The following CSMD1 variants were observed in gnomAD, a reference collection of about 807,000 sequenced individuals.
CSMD1 encodes CUB and Sushi multiple domains 1.
Under a neutral mutation model 417.5 loss-of-function variants are expected in CSMD1, and 213 were observed. That is an observed-to-expected ratio of 0.51 (90% CI 0.46 to 0.57). The LOEUF is 0.57. CSMD1 is among the 20% of genes least tolerant of loss of function. The pLI is 0.00. For missense variants in CSMD1, 6,923 were observed against 4,529.7 expected, an observed-to-expected ratio of 1.53 and a Z score of -15.17; for synonymous variants, 2,862 against 1,736.8, an observed-to-expected ratio of 1.65 and a Z score of -16.11.
At chr8:4,418,686 A>C (rs1485949597) in intron 3 of CSMD1, among the ~76,000 whole-genome samples, 1 of 152,218 alleles carries the variant, frequency 6.6e-6, no homozygotes, top group Non-Finnish European at 1.5e-5. Flanking sequence ...TTTAGAGTTT[A>C]TATGAAGTGG....
intron 5 of CSMD1, among the ~76,000 whole-genome samples, chr8:3,851,764 G>A (rs73491912): frequency 6.6e-6 from 1 of 152,308 alleles, no homozygotes; most frequent in East Asian, 1.9e-4. Flanking sequence ...AAGAGGGAAT[G>A]TATAAGGAAG....
chr8:4,189,127 GT>G (rs1798865069), intron 3 of CSMD1, among the ~76,000 whole-genome samples: 1 of 152,208 alleles, frequency 6.6e-6, no homozygotes, highest in South Asian at 2.1e-4. Flanking sequence ...AACATGCCCT[GT>G]AAACCAAGTT....
intron 5 of CSMD1, among the ~76,000 whole-genome samples, chr8:3,804,968 G>A (rs1800646528): frequency 1.3e-5 from 2 of 152,152 alleles, no homozygotes; most frequent in South Asian, 2.1e-4. Flanking sequence ...GGCCAGAGAA[G>A]CAATTGTTCG....
chr8:3,065,364 A>G (rs985548589), intron 49 of CSMD1, among the ~76,000 whole-genome samples: 2 of 152,024 alleles, frequency 1.3e-5, no homozygotes, highest in East Asian at 1.9e-4. Flanking sequence ...ATAAGTGGAT[A>G]GATAAATAGG....
chr8:2,984,757 C>T (rs529266369), intron 54 of CSMD1, among the ~76,000 whole-genome samples: 3 of 152,370 alleles, frequency 2.0e-5, no homozygotes, highest in Admixed American at 6.5e-5. Flanking sequence ...GGAATCCCAA[C>T]AAGCCCAGCA....
intron 5 of CSMD1, among the ~76,000 whole-genome samples, chr8:3,808,694 C>G (rs1158635424): frequency 6.6e-6 from 1 of 152,164 alleles, no homozygotes; most frequent in African/African-American, 2.4e-5. Context: ...GTTTGGCACT[C>G]TAGAAGTTCC....
intron 2 of CSMD1, among the ~76,000 whole-genome samples, chr8:4,463,671 C>A (rs920219994): frequency 3.5e-4 from 53 of 152,240 alleles, no homozygotes; most frequent in African/African-American, 1.3e-3. Flanking sequence ...TGTACCATTG[C>A]ACTTACATTA....
At chr8:3,435,045 G>C (rs555359241) in intron 12 of CSMD1, among the ~76,000 whole-genome samples, 1 of 152,226 alleles carries the variant, frequency 6.6e-6, no homozygotes, top group Admixed American at 6.5e-5. Context: ...GTAGCAGAGA[G>C]GACAGAAGCC....
chr8:3,858,377 CAAT>C (rs1244368671), intron 5 of CSMD1, among the ~76,000 whole-genome samples: 1 of 152,080 alleles, frequency 6.6e-6, no homozygotes, highest in Non-Finnish European at 1.5e-5. Context: ...GGTTTTATAA[CAAT>C]GATTTAAAAT....
At position 4,806,383 on chromosome 8, in the gene CSMD1, G is replaced by A. The variant is rs1467669744; in HGVS notation, c.86-168825C>T. Among the ~76,000 whole-genome samples the A allele has an allele frequency of 3.9e-5, 6 of 152,260 alleles. No individual in the cohort carries two copies. The East Asian group carries it at 5.8e-4, about 15-fold the overall frequency. ...GTATTGAACTCGTGTCTCACCTCCA[G>A]CCTGTGGATGAAGCAAAGTTCTTTG... On this transcript the variant is annotated intron_variant, in intron 1 of 69. Transcript: ENST00000635120.
At chr8:4,395,025 G>C (rs146844201) in intron 3 of CSMD1, among the ~76,000 whole-genome samples, 1 of 152,142 alleles carries the variant, frequency 6.6e-6, no homozygotes. Flanking sequence ...TTCCCTCTGC[G>C]TGGCATATCC....
intron 12 of CSMD1, among the ~76,000 whole-genome samples, chr8:3,459,822 T>C (rs73497469): frequency 0.012 from 1,801 of 152,232 alleles, 43 homozygotes; most frequent in African/African-American, 0.04. Context: ...TGTTGACTCA[T>C]TGGCTACTGG....
At chr8:3,596,662 G>A (rs1011110108) in intron 8 of CSMD1, among the ~76,000 whole-genome samples, 1 of 152,110 alleles carries the variant, frequency 6.6e-6, no homozygotes, top group Non-Finnish European at 1.5e-5. Context: ...TTCACATCTG[G>A]TTGTTTGTAA....
chr8:3,796,331 GATATAGAT>G (rs1426712611), intron 5 of CSMD1, among the ~76,000 whole-genome samples: 2 of 107,560 alleles, frequency 1.9e-5, no homozygotes, highest in African/African-American at 3.8e-5. Context: ...ATCATGTATA[GATATAGAT>G]ATATATCTAT....
intron 4 of CSMD1, among the ~76,000 whole-genome samples, chr8:4,002,399 A>C (rs539620506): frequency 8.5e-5 from 13 of 152,338 alleles, no homozygotes; most frequent in African/African-American, 3.1e-4. Flanking sequence ...CATTTGAAGA[A>C]GAGCTACCTA....
intron 8 of CSMD1, among the ~76,000 whole-genome samples, chr8:3,600,741 C>A (rs1801323322): frequency 6.6e-6 from 1 of 152,150 alleles, no homozygotes; most frequent in Non-Finnish European, 1.5e-5. Context: ...CCTCTATCCC[C>A]ACTCTATCAC....
At chr8:3,839,675 ATCTC>A (rs1395373241) in intron 5 of CSMD1, among the ~76,000 whole-genome samples, 3 of 147,618 alleles carry the variant, frequency 2.0e-5, no homozygotes, top group Non-Finnish European at 3.0e-5. Context: ...AAAAGAATCT[ATCTC>A]CTTCATTTGG....
chr8:4,487,624 AG>A (rs1402897083), intron 2 of CSMD1, among the ~76,000 whole-genome samples: 3 of 152,232 alleles, frequency 2.0e-5, no homozygotes, highest in African/African-American at 7.2e-5. Context: ...AAATTAAAGT[AG>A]AAATAAGGCA....
At chr8:4,961,565 C>A (rs1338556389) in intron 1 of CSMD1, among the ~76,000 whole-genome samples, 1 of 152,146 alleles carries the variant, frequency 6.6e-6, no homozygotes. Context: ...AAGACGTTAA[C>A]CATTGTTATC....
Sources: allele counts gnomAD v4.1 joint callset (sites outside exome capture counted in the v4.1 genomes callset), GRCh38; gene constraint gnomAD v4.1.1; transcripts MANE v1.5; gene names NCBI Gene and HGNC (gene_info 2026-07-23, HGNC 2026-07-21).